The following PACS1 variants were observed in gnomAD, a reference collection of about 807,000 sequenced individuals.
PACS1 encodes the protein PACS-1.
A neutral mutation model predicts 115.0 loss-of-function variants in PACS1; 24 were observed. The ratio of observed to expected loss-of-function variants is 0.21; its 90% CI spans 0.15 to 0.29. The LOEUF (loss-of-function observed/expected upper bound fraction) is 0.29, where lower values mean the gene tolerates loss of function less well. Among genes scored for constraint, PACS1 ranks in the 10% least tolerant of loss-of-function variants. The pLI, the probability that PACS1 is intolerant of heterozygous loss-of-function variation, is 1.00. For missense variants in PACS1, 838 were observed against 1,251.2 expected (o/e 0.67, Z 4.98); for synonymous variants, 453 against 504.5 (o/e 0.90, Z 1.37).
In PACS1 at chr11:66,070,942, TC is replaced by T; in HGVS notation, c.356+104del. On this transcript the variant is annotated intron_variant, in intron 1 of 23. Transcript: ENST00000320580. The surrounding 1 kb of genome is among the most constrained non-coding windows in gnomAD (Gnocchi z 5.9). ...GCCCATGGGGTCCCCGCCCTCCATC[TC>T]CCCGACTGTCCCGCGGCCCGGCCTG... The T allele has an allele frequency of 8.7e-7, 1 of 1,154,994 alleles. No homozygotes were observed. Among genetic ancestry groups the T allele is most frequent in the Non-Finnish European group, 1.1e-6 (1 of 887,640 alleles). The allele number at this position is 1,154,994 out of a possible 1,614,324, so 71.5% of individuals were successfully genotyped here.
At chr11:66,118,047 C>G (rs546817273) in intron 1 of PACS1, among the ~76,000 whole-genome samples, 6 of 152,260 alleles carry the variant, frequency 3.9e-5, no homozygotes, top group Non-Finnish European at 7.4e-5. Flanking sequence ...TACCCTGAAG[C>G]CTTTTTGGCA....
At chr11:66,227,655 GGACCC>G in intron 11 of PACS1, 71 bp downstream of exon 11, 1 of 871,804 alleles carries the variant, frequency 1.1e-6, no homozygotes, top group South Asian at 1.6e-5. Context: ...AACGGCAGAA[GGACCC>G]TCAGGACCAC....
chr11:66,201,514 A>C (rs1345187595), intron 2 of PACS1, among the ~76,000 whole-genome samples: 1 of 152,158 alleles, frequency 6.6e-6, no homozygotes, highest in Non-Finnish European at 1.5e-5. Context: ...ACTTCAAATA[A>C]ACAACTTAAT....
rs1298563620 is a variant in PACS1, at chr11:66,233,501, C to CT, written c.1839-283dup. On this transcript the variant is annotated intron_variant, in intron 15 of 23. Transcript: ENST00000320580. This position sits in a 1 kb window ranked among gnomAD's most constrained non-coding sequence, Gnocchi z 4.5. The stretch of plus-strand genomic sequence containing the variant: ...TGAAAGAGAACTATGGATTCCAGGC[C>CT]TGGGGGCACACACCCTGCGGGCATC... Among the ~76,000 whole-genome samples, 1 of 152,224 alleles carries CT rather than the reference C, an allele frequency of 6.6e-6. No homozygotes were observed. Among genetic ancestry groups the CT allele is most frequent in the African/African-American group, 2.4e-5 (1 of 41,454 alleles).
Position 66,194,679 on chromosome 11 carries a change from G to A in PACS1, c.444+1106G>A, listed in dbSNP as rs370455371. 2.6e-4 allele frequency among the ~76,000 whole-genome samples: 40 copies of A among 152,292 alleles called. No individual in the cohort carries two copies. The South Asian group carries it at 8.3e-3, about 32-fold the overall frequency. ...CTGGAGTCACTAAATAATGACTGGA[G>A]TCTTCAGCTTAAGGATGGTGTATTT... On this transcript the variant is annotated intron_variant, in intron 2 of 23. Coordinates refer to ENST00000320580, the MANE Select transcript of PACS1 (RefSeq NM_018026.4).
intron 1 of PACS1, among the ~76,000 whole-genome samples, chr11:66,078,259 A>C (rs10736654): frequency 0.99 from 150,151 of 152,276 alleles, 74,067 homozygotes; most frequent in Middle Eastern, 1. Flanking sequence ...AGAAATTGTG[A>C]TGTGGGTAAT....
chr11:66,073,268 G>A (rs1857342238), intron 1 of PACS1, among the ~76,000 whole-genome samples: 1 of 152,214 alleles, frequency 6.6e-6, no homozygotes, highest in Non-Finnish European at 1.5e-5. Context: ...GTTAATTTGA[G>A]GTCTCCTGGG....
At position 66,143,500 on chromosome 11, in the gene PACS1, C is replaced by T. The variant is rs1046838645; in HGVS notation, c.357-49986C>T. Among the ~76,000 whole-genome samples, 12 of 152,252 alleles carry T rather than the reference C, an allele frequency of 7.9e-5. No homozygotes were observed. The South Asian group carries it at 1.2e-3, about 16-fold the overall frequency. On this transcript the variant is annotated intron_variant, in intron 1 of 23. Transcript: ENST00000320580. ...TCTGAGTCCTTGTTAGTATTGTTAC[C>T]GCACTTCCCATTCGCATCTGCCTGT...
At chr11:66,115,208 C>CCA (rs1200894648) in intron 1 of PACS1, among the ~76,000 whole-genome samples, 2 of 80,378 alleles carry the variant, frequency 2.5e-5, no homozygotes, top group Non-Finnish European at 5.2e-5. Flanking sequence ...GACCCTATCT[C>CCA]AAAAAAAAAA....
chr11:66,188,869 G>T (rs1854452189), intron 1 of PACS1, among the ~76,000 whole-genome samples: 1 of 152,122 alleles, frequency 6.6e-6, no homozygotes, highest in African/African-American at 2.4e-5. Context: ...TTATATTAAG[G>T]TATATGTTAA....
chr11:66,196,127 G>A (rs1285446618), intron 2 of PACS1, among the ~76,000 whole-genome samples: 2 of 152,142 alleles, frequency 1.3e-5, no homozygotes, highest in African/African-American at 4.8e-5. Flanking sequence ...TACTTAAGAG[G>A]CTGGGGCATG....
rs571274796 is a variant in PACS1 at position 66,176,295 on chromosome 11, C to T, written c.357-17191C>T. ...TCCCATATTTATGTACATTTGTGCTCAGTATTTAGCGCTCACTTATGTGAG... is the reference window on the plus strand; with the variant it reads ...TCCCATATTTATGTACATTTGTGCTTAGTATTTAGCGCTCACTTATGTGAG... On this transcript the variant is annotated intron_variant, in intron 1 of 23. Coordinates refer to ENST00000320580, the MANE Select transcript of PACS1 (RefSeq NM_018026.4). Among the ~76,000 whole-genome samples, 3 of 152,062 alleles carry T rather than the reference C, an allele frequency of 2.0e-5. No individual in the cohort carries two copies. The South Asian group carries it at 6.2e-4, about 31-fold the overall frequency.
At chr11:66,168,750 ATATGTGTG>A (rs1225137750) in intron 1 of PACS1, among the ~76,000 whole-genome samples, 6 of 142,540 alleles carry the variant, frequency 4.2e-5, no homozygotes, top group Admixed American at 2.8e-4. Flanking sequence ...GTATATATAT[ATATGTGTG>A]TGTGTGTGTG....
intron 1 of PACS1, among the ~76,000 whole-genome samples, chr11:66,138,616 T>C (rs1858902601): frequency 6.6e-6 from 1 of 152,058 alleles, no homozygotes; most frequent in African/African-American, 2.4e-5. Flanking sequence ...GTGTTTCTTA[T>C]TATTGTTAGG....
intron 1 of PACS1, among the ~76,000 whole-genome samples, chr11:66,180,495 C>T (rs1279369057): frequency 2.0e-5 from 3 of 152,072 alleles, no homozygotes; most frequent in African/African-American, 7.2e-5. Context: ...GCTGGGATTA[C>T]AGGCACGCAC....
intron 1 of PACS1, among the ~76,000 whole-genome samples, chr11:66,100,169 C>G (rs1857882014): frequency 1.3e-5 from 2 of 152,212 alleles, no homozygotes; most frequent in Non-Finnish European, 1.5e-5. Context: ...CGTGGGCCAC[C>G]ACGCCTGCCT....
At chr11:66,219,522 A>C in intron 7 of PACS1, 1 of 671,584 alleles carries the variant, frequency 1.5e-6, no homozygotes, top group Non-Finnish European at 2.7e-6. Context: ...GGACCTGGGG[A>C]TAGACATTCC....
intron 1 of PACS1, among the ~76,000 whole-genome samples, chr11:66,169,398 T>C (rs1461793488): frequency 7.0e-6 from 1 of 143,228 alleles, no homozygotes; most frequent in Non-Finnish European, 1.5e-5. Flanking sequence ...ATCTAACTGG[T>C]TCATTACTTT....
At chr11:66,148,564 G>A (rs1432875084) in intron 1 of PACS1, among the ~76,000 whole-genome samples, 9 of 152,190 alleles carry the variant, frequency 5.9e-5, no homozygotes, top group Non-Finnish European at 1.5e-5. Flanking sequence ...AAAGTCAAAT[G>A]CCCATCAGAA....
Sources: allele counts gnomAD v4.1 joint callset (sites outside exome capture counted in the v4.1 genomes callset), GRCh38; gene constraint gnomAD v4.1.1; non-coding constraint Gnocchi (gnomAD v3.1); transcripts MANE v1.5; gene names NCBI Gene and HGNC (gene_info 2026-07-23, HGNC 2026-07-21).